WWC2: variants seen among roughly 807,000 people sequenced by gnomAD.
WWC2 encodes the protein protein WWC2.
A neutral mutation model predicts 138.5 loss-of-function variants in WWC2; 101 were observed. That is an observed-to-expected ratio of 0.73 (90% CI 0.62 to 0.86). The LOEUF (loss-of-function observed/expected upper bound fraction) is 0.86, where lower values mean the gene tolerates loss of function less well. Ranked by LOEUF, WWC2 falls within the 40% of genes least tolerant of loss-of-function variation. WWC2 has a pLI of 0.00. For missense variants in WWC2, 1,420 were observed against 1,419.4 expected (o/e 1.00, Z -0.01); for synonymous variants, 558 against 538.4 (o/e 1.04, Z -0.50).
rs760970279 is a variant in WWC2 at position 183,240,224 on chromosome 4, A to T, written c.564A>T (p.Glu188Asp). The T allele has an allele frequency of 6.4e-7, 1 of 1,552,850 alleles. No homozygotes were observed. Among genetic ancestry groups the T allele is most frequent in the South Asian group, 1.2e-5 (1 of 83,448 alleles). The stretch of plus-strand genomic sequence containing the variant: ...GAGAGCTCTCACAGATGAAGCAGGA[A>T]CTGCTCTATAAAGAACAAGGCTTTG... ...LKRELSQMKQ[E>D]LLYKEQGFET... The change falls in exon 5 of 23, where the codon GAA (glutamate) becomes GAT (aspartate). Residue 188 changes from glutamate (E) to aspartate (D), a missense_variant. Physicochemically the swap from Glu to Asp is conservative, Grantham distance 45 (BLOSUM62 2). Transcript: ENST00000403733.
chr4:183,099,920 G>A (rs1256148240), intron 1 of WWC2, among the ~76,000 whole-genome samples: 1 of 152,246 alleles, frequency 6.6e-6, no homozygotes, highest in African/African-American at 2.4e-5. Flanking sequence ...AGCCCTGTTA[G>A]GAACTTCCCT....
intron 4 of WWC2, among the ~76,000 whole-genome samples, chr4:183,238,379 G>A (rs868344521): frequency 1.3e-5 from 2 of 152,106 alleles, no homozygotes; most frequent in African/African-American, 2.4e-5. Context: ...ATGGACCCTC[G>A]TGGCACTTCT....
In WWC2 at chr4:183,253,960, T is replaced by C; in HGVS notation, c.1157T>C (p.Leu386Pro). 1 of 1,613,898 alleles carries C rather than the reference T, an allele frequency of 6.2e-7. No homozygotes were observed. The highest frequency in any genetic ancestry group is 8.5e-7 in the Non-Finnish European group (1 of 1,179,858). Residue 386 changes from leucine (L) to proline (P), a missense_variant, in exon 9 of 23, where the codon CTG (leucine) becomes CCG (proline). Coordinates refer to ENST00000403733, the MANE Select transcript of WWC2 (RefSeq NM_024949.6). The part of the protein sequence containing the change: ...AERQRLEEEL[L>P]SVRGTPSRAL... ...AGGCAGCGGCTGGAAGAAGAGTTGC[T>C]GTCTGTGAGGGGAACACCAAGCAGA...
intron 21 of WWC2, among the ~76,000 whole-genome samples, chr4:183,300,718 GA>G (rs1418876116): frequency 6.6e-6 from 1 of 150,938 alleles, no homozygotes; most frequent in African/African-American, 2.4e-5. Flanking sequence ...ACTCAGCAGG[GA>G]AGGAAATATC....
intron 9 of WWC2, among the ~76,000 whole-genome samples, 196 bp from the exon 10 acceptor site, chr4:183,259,443 G>A (rs1055305832): frequency 6.6e-6 from 1 of 152,022 alleles, no homozygotes; most frequent in African/African-American, 2.4e-5. Context: ...GGGGCATAAC[G>A]CTCCCTCCCC....
intron 1 of WWC2, among the ~76,000 whole-genome samples, chr4:183,167,793 ATTT>A (rs1233745198): frequency 6.6e-6 from 1 of 151,842 alleles, no homozygotes; most frequent in Non-Finnish European, 1.5e-5. Flanking sequence ...TTGAGGTCAA[ATTT>A]TGAGTATCCT....
intron 1 of WWC2, among the ~76,000 whole-genome samples, chr4:183,109,592 G>C (rs1188141994): frequency 6.6e-6 from 1 of 152,126 alleles, no homozygotes; most frequent in African/African-American, 2.4e-5. Flanking sequence ...TTCATTATAG[G>C]GTTCGCTCTC....
At chr4:183,114,522 G>A (rs1732349854) in intron 1 of WWC2, among the ~76,000 whole-genome samples, 1 of 152,116 alleles carries the variant, frequency 6.6e-6, no homozygotes, top group Admixed American at 6.5e-5. Flanking sequence ...TTTATACATA[G>A]GTAGTATTTG....
chr4:183,256,760 C>T (rs774507191), intron 9 of WWC2, among the ~76,000 whole-genome samples: 3 of 152,114 alleles, frequency 2.0e-5, no homozygotes, highest in Non-Finnish European at 2.9e-5. Context: ...CTGTTTTCCA[C>T]TTATATTTGG....
rs567743587 is a variant in WWC2 at position 183,111,284 on chromosome 4, C to T, written c.131+11662C>T. ...TGACTTACTAATGGACTGTAGAATA[C>T]GTTGCATACTTTATTGACAGTTGTG... On this transcript the variant is annotated intron_variant, in intron 1 of 22. Coordinates refer to ENST00000403733, the MANE Select transcript of WWC2 (RefSeq NM_024949.6). 6.3e-4 allele frequency among the ~76,000 whole-genome samples: 96 copies of T among 152,204 alleles called. 1 individual carries two copies. Among genetic ancestry groups the T allele is most frequent in the African/African-American group, 2.1e-3 (87 of 41,552 alleles).
intron 20 of WWC2, among the ~76,000 whole-genome samples, chr4:183,286,667 C>T (rs540817027): frequency 6.6e-6 from 1 of 152,212 alleles, no homozygotes; most frequent in East Asian, 1.9e-4. Context: ...AGCTGAAATA[C>T]TAAAGGAAAA....
intron 1 of WWC2, among the ~76,000 whole-genome samples, chr4:183,157,285 G>A (rs932110321): frequency 6.6e-6 from 1 of 152,156 alleles, no homozygotes; most frequent in African/African-American, 2.4e-5. Context: ...ATTAGATTCA[G>A]GTTATGCATT....
intron 18 of WWC2, 101 bp from the exon 19 acceptor site, chr4:183,284,125 A>G: frequency 7.0e-7 from 1 of 1,423,202 alleles, no homozygotes. Flanking sequence ...GTGCTCCATG[A>G]GTCTCTGTTG....
intron 6 of WWC2, among the ~76,000 whole-genome samples, chr4:183,247,604 GCTATATATA>G (rs1205441648): frequency 1.8e-3 from 192 of 106,680 alleles, no homozygotes; most frequent in East Asian, 1.0e-2. Flanking sequence ...TGCTATATAT[GCTATATATA>G]CTATATATAC....
chr4:183,246,588 A>G (rs1408985928), intron 6 of WWC2, among the ~76,000 whole-genome samples: 1 of 152,238 alleles, frequency 6.6e-6, no homozygotes, highest in African/African-American at 2.4e-5. Context: ...ACTGCCTTGC[A>G]TATAAATAAT....
At chr4:183,308,636 T>G (rs1252289040) in intron 21 of WWC2, among the ~76,000 whole-genome samples, 2 of 152,168 alleles carry the variant, frequency 1.3e-5, no homozygotes, top group African/African-American at 4.8e-5. Context: ...CTCAAGTCCT[T>G]TATATAATAT....
At chr4:183,165,237 A>G (rs1191727226) in intron 1 of WWC2, among the ~76,000 whole-genome samples, 2 of 152,172 alleles carry the variant, frequency 1.3e-5, no homozygotes, top group African/African-American at 2.4e-5. Context: ...TCAGGGACAC[A>G]TTCATGTCAG....
At chr4:183,113,511 T>TGCGC (rs764721220) in intron 1 of WWC2, among the ~76,000 whole-genome samples, 8 of 130,158 alleles carry the variant, frequency 6.1e-5, no homozygotes, top group Non-Finnish European at 9.7e-5. Context: ...TGTGTGTGTG[T>TGCGC]GTGTGCGCGC....
At chr4:183,313,394 G>T (rs1447249834) in intron 22 of WWC2, among the ~76,000 whole-genome samples, 6 of 152,142 alleles carry the variant, frequency 3.9e-5, no homozygotes, top group Non-Finnish European at 7.4e-5. Flanking sequence ...AAGCGGGTAA[G>T]GGTGGCCAGT....
Sources: gnomAD v4.1 joint callset for allele counts (sites outside exome capture counted in the v4.1 genomes callset) on GRCh38, gnomAD v4.1.1 for gene constraint, MANE v1.5 for transcripts, NCBI Gene and HGNC (gene_info 2026-07-23, HGNC 2026-07-21) for gene names.